Variants in AZIN2 observed in about 807,000 individuals in gnomAD.
The protein encoded by AZIN2 is ODC antizyme inhibitor-2.
Under a neutral mutation model 47.8 loss-of-function variants are expected in AZIN2, and 28 were observed. The ratio of observed to expected loss-of-function variants is 0.59; its 90% CI spans 0.43 to 0.80. The LOEUF (loss-of-function observed/expected upper bound fraction) is 0.80. Ranked by LOEUF, AZIN2 falls within the 30% of genes least tolerant of loss-of-function variation. The pLI, the probability that AZIN2 is intolerant of heterozygous loss-of-function variation, is 0.00. For synonymous variants in AZIN2, 221 were observed against 239.4 expected (o/e 0.92, Z 0.71); for missense variants, 535 against 582.5 (o/e 0.92, Z 0.84).
At chr1:33,154,938 A>C in the AZIN2 span, among the ~76,000 whole-genome samples, 4 of 149,532 alleles carry the variant, frequency 2.7e-5, no homozygotes, top group Non-Finnish European at 5.9e-5. Flanking sequence ...CTAAAAATAC[A>C]AAAAATTAGC....
the AZIN2 span, among the ~76,000 whole-genome samples, chr1:33,139,385 T>A: frequency 6.6e-6 from 1 of 152,168 alleles, no homozygotes; most frequent in African/African-American, 2.4e-5. Context: ...TGCAAAACCA[T>A]AGGACAGGAT....
At chr1:33,087,164 G>A (rs1274467194) in intron 5 of AZIN2, among the ~76,000 whole-genome samples, 5 of 148,416 alleles carry the variant, frequency 3.4e-5, no homozygotes, top group South Asian at 2.1e-4. Flanking sequence ...ATAGAGTTTC[G>A]CTCTTGTTGC....
At chr1:33,136,163 C>T in the AZIN2 span, among the ~76,000 whole-genome samples, 2 of 147,450 alleles carry the variant, frequency 1.4e-5, no homozygotes, top group Non-Finnish European at 3.0e-5. Context: ...TCCTTCCTTC[C>T]TTCCTTCCTT....
At chr1:33,110,286 C>G (rs1644230385) in intron 10 of AZIN2, among the ~76,000 whole-genome samples, 1 of 152,188 alleles carries the variant, frequency 6.6e-6, no homozygotes, top group African/African-American at 2.4e-5. Flanking sequence ...AACAAATTCT[C>G]TCTGGAGGAG....
chr1:33,102,245 C>T (rs1643757388), intron 10 of AZIN2, among the ~76,000 whole-genome samples: 1 of 152,216 alleles, frequency 6.6e-6, no homozygotes, highest in Admixed American at 6.5e-5. Flanking sequence ...GCATTTCCCT[C>T]ATCACTAGCA....
intron 10 of AZIN2, among the ~76,000 whole-genome samples, chr1:33,108,269 T>G (rs1644114799): frequency 6.6e-6 from 1 of 151,768 alleles, no homozygotes; most frequent in South Asian, 2.1e-4. Flanking sequence ...AAACTAGATA[T>G]CCACATATAG....
At chr1:33,093,972 A>G (rs941935413) in intron 7 of AZIN2, among the ~76,000 whole-genome samples, 2 of 152,004 alleles carry the variant, frequency 1.3e-5, no homozygotes, top group Non-Finnish European at 2.9e-5. Flanking sequence ...GGCTCAAGCA[A>G]TCCTTTTGCC....
rs1231618422 is a variant in AZIN2 at position 33,096,614 on chromosome 1, G to A, written c.754-93G>A. The A allele has an allele frequency of 1.1e-5, 17 of 1,494,230 alleles. No individual in the cohort carries two copies. The East Asian group carries it at 3.7e-4, about 32-fold the overall frequency. 92.6% of individuals were successfully genotyped at this position (1,494,230 alleles called of 1,614,324 possible). A position where few individuals can be genotyped will look rare whatever the true frequency, so the allele number is the denominator to read the frequency against. ...AATCCTTCTTCCGGAAATCAAAGCA[G>A]CTTTCAAGAAATAGACTTGGAGCTG... is the stretch of plus-strand genomic sequence containing the variant. On this transcript the variant is annotated intron_variant, in intron 8 of 11. Coordinates refer to ENST00000294517, the MANE Select transcript of AZIN2 (RefSeq NM_052998.4).
At chr1:33,128,539 G>C in the AZIN2 span, among the ~76,000 whole-genome samples, 1 of 152,156 alleles carries the variant, frequency 6.6e-6, no homozygotes, top group African/African-American at 2.4e-5. Context: ...AGGCAGATTG[G>C]GAAAGTCTCT....
rs59831988 is a variant in AZIN2 at position 33,090,466 on chromosome 1, A to T, written c.280-1584A>T. ...AGGGCTGAGCCCGCACACCCTGCAC[A>T]CCCAGTGCAGGGCCGTGCACAGAGT... On this transcript the variant is annotated intron_variant, in intron 5 of 11. Transcript: ENST00000294517. Among the ~76,000 whole-genome samples the T allele has an allele frequency of 3.6e-3, 553 of 152,334 alleles. 5 individuals are homozygous for T. Among genetic ancestry groups the T allele is most frequent in the African/African-American group, 0.012 (514 of 41,580 alleles).
chr1:33,127,970 C>CTGTG (rs1479053166), downstream of AZIN2, among the ~76,000 whole-genome samples: 1 of 152,122 alleles, frequency 6.6e-6, no homozygotes, highest in Non-Finnish European at 1.5e-5. Context: ...CAGTTATTAG[C>CTGTG]TGTGTATCCT....
chr1:33,160,028 A>G, the AZIN2 span: 1 of 1,540,202 alleles, frequency 6.5e-7, no homozygotes, highest in Non-Finnish European at 8.8e-7. Flanking sequence ...GAGAGCCTTG[A>G]CACACAGAGA....
At chr1:33,095,924 G>A (rs542036786) in intron 8 of AZIN2, among the ~76,000 whole-genome samples, 11 of 152,206 alleles carry the variant, frequency 7.2e-5, no homozygotes, top group South Asian at 2.1e-4. Context: ...TGCAACCTCC[G>A]TCTCCTGGGT....
At chr1:33,129,977 A>G in the AZIN2 span, among the ~76,000 whole-genome samples, 1 of 152,132 alleles carries the variant, frequency 6.6e-6, no homozygotes, top group Non-Finnish European at 1.5e-5. The surrounding 1 kb of genome is among the most constrained non-coding windows in gnomAD (Gnocchi z 4.1). Flanking sequence ...CTCCTGCCTC[A>G]GCCTCCCGAG....
At chr1:33,104,302 T>C (rs1643894467) in intron 10 of AZIN2, among the ~76,000 whole-genome samples, 1 of 152,224 alleles carries the variant, frequency 6.6e-6, no homozygotes, top group South Asian at 2.1e-4. Flanking sequence ...TTGGGAGGTC[T>C]TGAAGTTTTT....
chr1:33,165,459 G>A, the AZIN2 span: 259 of 1,582,420 alleles, frequency 1.6e-4, 1 homozygote, highest in African/African-American at 3.0e-3. This position sits in a 1 kb window ranked among gnomAD's most constrained non-coding sequence, Gnocchi z 4.0. Flanking sequence ...TCCGCGCCCC[G>A]GCCAGGCTCA....
chr1:33,130,582 G>T, the AZIN2 span, among the ~76,000 whole-genome samples: 1 of 152,206 alleles, frequency 6.6e-6, no homozygotes, highest in Non-Finnish European at 1.5e-5. Context: ...TAGAATGACT[G>T]CAGCCCCAGC....
intron 10 of AZIN2, among the ~76,000 whole-genome samples, chr1:33,116,846 G>A (rs1264118198): frequency 6.6e-6 from 1 of 152,154 alleles, no homozygotes; most frequent in Non-Finnish European, 1.5e-5. Flanking sequence ...AGGAGGTATG[G>A]GAAGGGAAGT....
the AZIN2 span, among the ~76,000 whole-genome samples, chr1:33,157,765 CT>C: frequency 6.6e-6 from 1 of 150,792 alleles, no homozygotes; most frequent in Non-Finnish European, 1.5e-5. Context: ...TTTTTTCTTC[CT>C]TTTTTTCCGA....
Sources: allele counts gnomAD v4.1 joint callset (sites outside exome capture counted in the v4.1 genomes callset), GRCh38; gene constraint gnomAD v4.1.1; non-coding constraint Gnocchi (gnomAD v3.1); transcripts MANE v1.5; gene names NCBI Gene and HGNC (gene_info 2026-07-23, HGNC 2026-07-21).